The following TENM2 variants were observed in gnomAD, a reference collection of about 807,000 sequenced individuals.
The protein encoded by TENM2 is teneurin transmembrane protein 2.
TENM2 carries 52 observed loss-of-function variants against 245.2 expected under a neutral mutation model. The observed-to-expected ratio is 0.21, with a 90% confidence interval of 0.17 to 0.27. The LOEUF (loss-of-function observed/expected upper bound fraction) is 0.27. Ranked by LOEUF, TENM2 falls within the 10% of genes least tolerant of loss-of-function variation. TENM2 has a pLI of 1.00. For synonymous variants in TENM2, 1,363 were observed against 1,438.9 expected (o/e 0.95, Z 1.19); for missense variants, 3,046 against 3,666.8 (o/e 0.83, Z 4.37).
intron 5 of TENM2, among the ~76,000 whole-genome samples, chr5:168,020,460 G>A (rs73803833): frequency 0.061 from 9,360 of 152,208 alleles, 510 homozygotes; most frequent in African/African-American, 0.14. Flanking sequence ...CAGTCATTCT[G>A]TGTTTGACTT....
At chr5:166,988,570 G>A in the TENM2 span, among the ~76,000 whole-genome samples, 1 of 152,162 alleles carries the variant, frequency 6.6e-6, no homozygotes, top group Non-Finnish European at 1.5e-5. Flanking sequence ...TTGATTCTGT[G>A]ATCAGGTCAT....
chr5:167,166,243 A>AAC, the TENM2 span, among the ~76,000 whole-genome samples: 3 of 152,142 alleles, frequency 2.0e-5, no homozygotes, highest in East Asian at 3.9e-4. Flanking sequence ...GCACACACCA[A>AAC]ACACACACAC....
chr5:167,410,899 G>T (rs1762874448), intron 2 of TENM2, among the ~76,000 whole-genome samples: 1 of 152,056 alleles, frequency 6.6e-6, no homozygotes, highest in South Asian at 2.1e-4. Context: ...AGCTACTCCT[G>T]CATGTAGTTT....
At chr5:167,932,303 G>A (rs1011290464) in intron 3 of TENM2, among the ~76,000 whole-genome samples, 4 of 152,128 alleles carry the variant, frequency 2.6e-5, no homozygotes, top group African/African-American at 9.7e-5. Flanking sequence ...TGTCTTCAAT[G>A]AGCTAAAGTG....
At chr5:168,172,882 T>C (rs539844771) in intron 13 of TENM2, among the ~76,000 whole-genome samples, 1 of 152,242 alleles carries the variant, frequency 6.6e-6, no homozygotes, top group South Asian at 2.1e-4. Flanking sequence ...TGACTTTCTA[T>C]CTTCTCAGCC....
chr5:167,093,502 G>C, the TENM2 span, among the ~76,000 whole-genome samples: 2 of 152,166 alleles, frequency 1.3e-5, no homozygotes, highest in Non-Finnish European at 2.9e-5. Context: ...AGGAAATTTG[G>C]CAACAAAAGT....
At chr5:167,443,087 A>G (rs1197657266) in intron 2 of TENM2, among the ~76,000 whole-genome samples, 1 of 152,200 alleles carries the variant, frequency 6.6e-6, no homozygotes, top group Non-Finnish European at 1.5e-5. Flanking sequence ...AAAATTGGCC[A>G]TTTATGTCAA....
At chr5:168,139,709 G>A (rs1581422398) in intron 12 of TENM2, among the ~76,000 whole-genome samples, 2 of 152,334 alleles carry the variant, frequency 1.3e-5, no homozygotes, top group East Asian at 3.9e-4. Flanking sequence ...AGGCGAGAAT[G>A]ACGTAAAGTG....
chr5:168,237,372 T>A (rs1475604989), intron 25 of TENM2, among the ~76,000 whole-genome samples: 1 of 152,028 alleles, frequency 6.6e-6, no homozygotes, highest in African/African-American at 2.4e-5. Context: ...TCATCAGAGT[T>A]AGCAGGGTTC....
chr5:167,022,314 C>T, the TENM2 span, among the ~76,000 whole-genome samples: 128 of 152,210 alleles, frequency 8.4e-4, no homozygotes, highest in African/African-American at 2.9e-3. Context: ...TAGATGCAGT[C>T]CAAGTGAGGA....
At chr5:168,015,775 C>A (rs1209872172) in intron 5 of TENM2, among the ~76,000 whole-genome samples, 1 of 152,136 alleles carries the variant, frequency 6.6e-6, no homozygotes, top group Non-Finnish European at 1.5e-5. Flanking sequence ...GATAAAAAAA[C>A]CTCTCCTTCA....
rs911696254 is a variant in TENM2, at chr5:168,155,774, A to G, written c.2423-6837A>G. On this transcript the variant is annotated intron_variant, in intron 12 of 28. Coordinates refer to ENST00000518659, the Ensembl canonical transcript of TENM2. ...CTTACCACTAACTATGATAGCTGTCATAACAACTATATAGACACTGACAAC... is the reference window on the plus strand; with the variant it reads ...CTTACCACTAACTATGATAGCTGTCGTAACAACTATATAGACACTGACAAC... Among the ~76,000 whole-genome samples the G allele has an allele frequency of 5.9e-5, 9 of 152,096 alleles. 1 individual carries two copies.
At chr5:167,014,140 C>CTTTTTT in the TENM2 span, among the ~76,000 whole-genome samples, 5 of 128,672 alleles carry the variant, frequency 3.9e-5, 1 homozygote, top group South Asian at 2.5e-4. Context: ...AAAACCAATT[C>CTTTTTT]TTTTTTTTTT....
At chr5:167,563,883 GA>G (rs1486786230) in intron 2 of TENM2, among the ~76,000 whole-genome samples, 3 of 152,212 alleles carry the variant, frequency 2.0e-5, no homozygotes, top group African/African-American at 7.2e-5. Flanking sequence ...GCTTAGGTGT[GA>G]AGTAGGGTTT....
At chr5:167,269,977 T>C in the TENM2 span, among the ~76,000 whole-genome samples, 1 of 152,140 alleles carries the variant, frequency 6.6e-6, no homozygotes, top group Non-Finnish European at 1.5e-5. Context: ...AAACAACTCA[T>C]CTTTTTCATG....
chr5:167,879,199 A>G (rs1203205238), intron 3 of TENM2, among the ~76,000 whole-genome samples: 1 of 152,168 alleles, frequency 6.6e-6, no homozygotes, highest in African/African-American at 2.4e-5. Context: ...CTTGAGTGTC[A>G]TTATTTTCTA....
chr5:167,030,540 G>A, the TENM2 span, among the ~76,000 whole-genome samples: 1 of 152,100 alleles, frequency 6.6e-6, no homozygotes, highest in Non-Finnish European at 1.5e-5. Flanking sequence ...TACTTGGCGC[G>A]TGACCTGTGC....
intron 13 of TENM2, among the ~76,000 whole-genome samples, chr5:168,178,928 A>G (rs1295118907): frequency 6.6e-6 from 1 of 152,176 alleles, no homozygotes; most frequent in African/African-American, 2.4e-5. Flanking sequence ...TGAGATCAGG[A>G]GTTCAAGACC....
chr5:168,144,534 T>C (rs1755867564), intron 12 of TENM2, among the ~76,000 whole-genome samples: 1 of 151,938 alleles, frequency 6.6e-6, no homozygotes, highest in African/African-American at 2.4e-5. Context: ...GGCTGCATAG[T>C]ATTCCATGGT....
Sources: allele counts gnomAD v4.1 joint callset (sites outside exome capture counted in the v4.1 genomes callset), GRCh38; gene constraint gnomAD v4.1.1; transcripts MANE v1.5; gene names NCBI Gene and HGNC (gene_info 2026-07-23, HGNC 2026-07-21).